Variants in TENM3 observed in about 807,000 individuals in gnomAD.
TENM3 encodes teneurin-3.
TENM3 carries 63 observed loss-of-function variants against 255.1 expected under a neutral mutation model. The observed-to-expected ratio is 0.25, with a 90% CI of 0.20 to 0.30. The LOEUF (loss-of-function observed/expected upper bound fraction) is 0.30, where lower values mean the gene tolerates loss of function less well. TENM3 is among the 10% of genes least tolerant of loss of function. TENM3 has a pLI of 1.00. For synonymous variants in TENM3, 1,306 were observed against 1,322.3 expected (o/e 0.99, Z 0.27); for missense variants, 2,929 against 3,461.1 (o/e 0.85, Z 3.86).
the TENM3 span, among the ~76,000 whole-genome samples, chr4:182,000,364 C>T: frequency 1.3e-5 from 2 of 152,012 alleles, no homozygotes; most frequent in East Asian, 1.9e-4. Context: ...TCACCACAGC[C>T]CTTCTCTAGC....
the TENM3 span, among the ~76,000 whole-genome samples, chr4:182,046,589 G>T: frequency 6.7e-6 from 1 of 149,222 alleles, no homozygotes; most frequent in Non-Finnish European, 1.5e-5. Flanking sequence ...TAACAACCAG[G>T]TGTGGGGGCA....
chr4:182,093,022 C>T, the TENM3 span, among the ~76,000 whole-genome samples: 1 of 152,100 alleles, frequency 6.6e-6, no homozygotes, highest in African/African-American at 2.4e-5. Flanking sequence ...TTCTCATGTC[C>T]ACCTCACCCT....
chr4:182,397,794 G>A (rs2151013178), intron 3 of TENM3, among the ~76,000 whole-genome samples: 1 of 152,246 alleles, frequency 6.6e-6, no homozygotes. Context: ...GTGGCTCTGG[G>A]CTATGACTTG....
At chr4:181,887,201 TA>T in the TENM3 span, among the ~76,000 whole-genome samples, 1 of 151,908 alleles carries the variant, frequency 6.6e-6, no homozygotes, top group East Asian at 1.9e-4. Context: ...AAGCTTCAGT[TA>T]CTGGTCGGGT....
the TENM3 span, among the ~76,000 whole-genome samples, chr4:181,456,166 T>A: frequency 6.9e-5 from 1 of 14,550 alleles, no homozygotes; most frequent in Non-Finnish European, 2.2e-4. Context: ...TGTACACATG[T>A]GTGTGTATAT....
intron 1 of TENM3, among the ~76,000 whole-genome samples, chr4:182,305,339 T>C (rs1762074201): frequency 6.6e-6 from 1 of 152,192 alleles, no homozygotes; most frequent in Non-Finnish European, 1.5e-5. Context: ...TAAAACTAAT[T>C]GCATTATAAT....
intron 1 of TENM3, among the ~76,000 whole-genome samples, chr4:182,248,248 C>T (rs1757780422): frequency 6.6e-6 from 1 of 151,988 alleles, no homozygotes; most frequent in South Asian, 2.1e-4. Context: ...CATCCCAGAA[C>T]TTACAGTATA....
the TENM3 span, among the ~76,000 whole-genome samples, chr4:181,487,205 G>T: frequency 6.6e-6 from 1 of 152,118 alleles, no homozygotes; most frequent in African/African-American, 2.4e-5. Flanking sequence ...AAAGTGTGAC[G>T]GATCCAACAC....
At chr4:181,492,240 T>C in the TENM3 span, among the ~76,000 whole-genome samples, 1 of 152,210 alleles carries the variant, frequency 6.6e-6, no homozygotes, top group Non-Finnish European at 1.5e-5. Context: ...TCAGGTGTGA[T>C]AAAATTAAGC....
chr4:181,920,031 A>T, the TENM3 span, among the ~76,000 whole-genome samples: 62 of 151,044 alleles, frequency 4.1e-4, no homozygotes, highest in African/African-American at 1.5e-3. Context: ...ATGATTTCCA[A>T]TTTCCTCCAT....
chr4:182,521,028 C>A (rs1279988934), intron 3 of TENM3, among the ~76,000 whole-genome samples: 2 of 152,104 alleles, frequency 1.3e-5, no homozygotes, highest in Non-Finnish European at 2.9e-5. Flanking sequence ...TATTCAGAAG[C>A]CTGTTAAAGA....
chr4:182,027,975 T>C, the TENM3 span, among the ~76,000 whole-genome samples: 6 of 152,254 alleles, frequency 3.9e-5, no homozygotes, highest in Admixed American at 2.0e-4. Context: ...AGGGTAATAA[T>C]TGCCTTGTAG....
chr4:182,100,452 T>G, the TENM3 span, among the ~76,000 whole-genome samples: 296 of 119,184 alleles, frequency 2.5e-3, 7 homozygotes, highest in African/African-American at 8.9e-3. Flanking sequence ...AAAAAAAATA[T>G]ATATATATAT....
At chr4:181,476,315 T>G in the TENM3 span, among the ~76,000 whole-genome samples, 2 of 151,800 alleles carry the variant, frequency 1.3e-5, no homozygotes, top group Non-Finnish European at 2.9e-5. Flanking sequence ...TGGCTCCGAA[T>G]GCAGCAACAA....
the TENM3 span, among the ~76,000 whole-genome samples, chr4:181,847,448 C>T: frequency 5.3e-5 from 8 of 152,130 alleles, no homozygotes; most frequent in South Asian, 2.1e-4. Context: ...TCCTACCCTA[C>T]TTATGGGCTT....
the TENM3 span, among the ~76,000 whole-genome samples, chr4:181,604,169 G>T: frequency 1.3e-5 from 2 of 152,112 alleles, no homozygotes; most frequent in African/African-American, 4.8e-5. Context: ...GGAGGCTGAG[G>T]CAGGAGAATG....
At chr4:182,299,251 G>A (rs1333923066) in intron 1 of TENM3, among the ~76,000 whole-genome samples, 3 of 151,908 alleles carry the variant, frequency 2.0e-5, no homozygotes, top group African/African-American at 2.4e-5. Flanking sequence ...AGGGGCATGC[G>A]TACATCTCTT....
chr4:181,919,415 G>T, the TENM3 span, among the ~76,000 whole-genome samples: 2 of 150,704 alleles, frequency 1.3e-5, no homozygotes, highest in Non-Finnish European at 2.9e-5. Context: ...GGTGTATTGG[G>T]AAGAAAATAT....
At chr4:181,847,624 A>G in the TENM3 span, among the ~76,000 whole-genome samples, 1 of 151,988 alleles carries the variant, frequency 6.6e-6, no homozygotes, top group East Asian at 1.9e-4. Context: ...TATAAAATAC[A>G]TATATTTATA....
Sources: gnomAD v4.1 joint callset for allele counts (sites outside exome capture counted in the v4.1 genomes callset) on GRCh38, gnomAD v4.1.1 for gene constraint, MANE v1.5 for transcripts, NCBI Gene and HGNC (gene_info 2026-07-23, HGNC 2026-07-21) for gene names.